Variants in ABCG2 observed in about 807,000 individuals in gnomAD.
The protein encoded by ABCG2 is ATP binding cassette subfamily G member 2 (JR blood group).
ABCG2 carries 80 observed loss-of-function variants against 73.5 expected under a neutral mutation model. The ratio of observed to expected loss-of-function variants is 1.09; its 90% CI spans 0.91 to 1.31. The LOEUF (loss-of-function observed/expected upper bound fraction) is 1.31, where lower values mean the gene tolerates loss of function less well. Ranked by LOEUF, ABCG2 falls within the 50% of genes most tolerant of loss-of-function variation. ABCG2 has a pLI of 0.00. For synonymous variants in ABCG2, 269 were observed against 282.4 expected, an observed-to-expected ratio of 0.95 and a Z score of 0.48; for missense variants, 796 against 786.2, an observed-to-expected ratio of 1.01 and a Z score of -0.15.
In ABCG2 at chr4:88,118,242, T is replaced by C. The variant is rs2110016369; in HGVS notation, c.708A>G (p.Arg236=). The C allele has an allele frequency of 6.2e-7, 1 of 1,614,134 alleles. No individual in the cohort carries two copies. The highest frequency in any genetic ancestry group is 8.5e-7 in the Non-Finnish European group (1 of 1,179,994). The change falls in exon 7 of 16, where the codon CGA becomes CGG. Residue 236 remains arginine (R), a synonymous_variant. Coordinates refer to ENST00000237612, the MANE Select transcript of ABCG2 (RefSeq NM_004827.3). ...GCTGATGAATGGAGAAGATGATTGTTCGTCCCTGCTTAGACATCCTAAGTT... is the reference window on the plus strand; with the variant it reads ...GCTGATGAATGGAGAAGATGATTGTCCGTCCCTGCTTAGACATCCTAAGTT... ...LLLKRMSKQG[R]TIIFSIHQPR...
chr4:88,228,933 A>C (rs1730339665), intron 1 of ABCG2, among the ~76,000 whole-genome samples: 1 of 151,924 alleles, frequency 6.6e-6, no homozygotes, highest in Non-Finnish European at 1.5e-5. Context: ...TTGTAAATGC[A>C]CCAATCAGCA....
At position 88,139,780 on chromosome 4, in the gene ABCG2, T is replaced by A; in HGVS notation, c.203+13A>T. On this transcript the variant is annotated intron_variant, in intron 2 of 15. Coordinates refer to ENST00000237612, the MANE Select transcript of ABCG2 (RefSeq NM_004827.3). Reference sequence around the variant, plus strand: ...AATTAAAAAGCTGTCTTTTTACAAGTTCATGTACATACTTGATATTCGATA... The same window carrying A: ...AATTAAAAAGCTGTCTTTTTACAAGATCATGTACATACTTGATATTCGATA... The A allele has an allele frequency of 6.2e-7, 1 of 1,610,408 alleles. No homozygotes were observed. The highest frequency in any genetic ancestry group is 8.5e-7 in the Non-Finnish European group (1 of 1,177,672).
At chr4:88,186,743 C>T (rs1197795559) in intron 1 of ABCG2, among the ~76,000 whole-genome samples, 4 of 150,996 alleles carry the variant, frequency 2.6e-5, no homozygotes, top group Non-Finnish European at 4.4e-5. Context: ...AACGGTGAAA[C>T]CCCGTCTCTA....
intron 1 of ABCG2, among the ~76,000 whole-genome samples, chr4:88,170,035 C>T (rs2725271): frequency 0.41 from 60,833 of 149,184 alleles, 13,287 homozygotes; most frequent in East Asian, 0.66. Context: ...TGCTTGAACC[C>T]GGGAGGCGGA....
At chr4:88,197,573 C>A (rs191119719) in intron 1 of ABCG2, among the ~76,000 whole-genome samples, 1 of 152,170 alleles carries the variant, frequency 6.6e-6, no homozygotes, top group South Asian at 2.1e-4. Context: ...GCAGTGATCA[C>A]GCGACTGCAC....
chr4:88,164,663 G>A (rs1040946589), intron 1 of ABCG2, among the ~76,000 whole-genome samples: 2 of 152,156 alleles, frequency 1.3e-5, no homozygotes, highest in African/African-American at 4.8e-5. Context: ...CCCAGTCTCG[G>A]GTATGTCTTT....
At position 88,097,039 on chromosome 4, in the gene ABCG2, A is replaced by T. The variant is rs186728435; in HGVS notation, c.1647+414T>A. On this transcript the variant is annotated intron_variant, in intron 13 of 15. Coordinates refer to ENST00000237612, the MANE Select transcript of ABCG2 (RefSeq NM_004827.3). ...ATGTGGGAACTTTAAAACATAAATT[A>T]AAAATGTTAAAAAAAAAATAAACTA... 1.9e-4 allele frequency among the ~76,000 whole-genome samples: 29 copies of T among 152,070 alleles called. 1 individual carries two copies. The highest frequency in any genetic ancestry group is 3.7e-4 in the Non-Finnish European group (25 of 68,004).
intron 1 of ABCG2, among the ~76,000 whole-genome samples, chr4:88,215,993 G>C (rs1006425800): frequency 6.6e-6 from 1 of 152,134 alleles, no homozygotes; most frequent in African/African-American, 2.4e-5. Flanking sequence ...CTGACATTTT[G>C]GGCAGGGTAT....
At chr4:88,155,650 T>C (rs1356802691) in intron 1 of ABCG2, among the ~76,000 whole-genome samples, 1 of 152,168 alleles carries the variant, frequency 6.6e-6, no homozygotes, top group African/African-American at 2.4e-5. Flanking sequence ...CATGCCTGTA[T>C]TCCCAGCACT....
chr4:88,175,515 G>A (rs1208190519), intron 1 of ABCG2, among the ~76,000 whole-genome samples: 1 of 148,358 alleles, frequency 6.7e-6, no homozygotes, highest in Non-Finnish European at 1.5e-5. Context: ...AACAGGCAGA[G>A]TAACTGCTAG....
intron 1 of ABCG2, among the ~76,000 whole-genome samples, chr4:88,176,338 C>T (rs866835900): frequency 6.6e-6 from 1 of 151,890 alleles, no homozygotes; most frequent in Non-Finnish European, 1.5e-5. Flanking sequence ...TTACTGATAT[C>T]ATTTCCTCCT....
At chr4:88,210,280 C>T (rs530084950) in intron 1 of ABCG2, among the ~76,000 whole-genome samples, 22 of 152,238 alleles carry the variant, frequency 1.4e-4, no homozygotes, top group Admixed American at 2.6e-4. Flanking sequence ...GACTGGAACT[C>T]CTGAGCTCAA....
At chr4:88,147,016 G>GGAAAGAAAGAAAGAAAGAAAGAAA (rs58050208) in intron 1 of ABCG2, among the ~76,000 whole-genome samples, 7,174 of 125,112 alleles carry the variant, frequency 0.057, 387 homozygotes, top group African/African-American at 0.098. Context: ...AGAAAGAAAA[G>GGAAAGAAAGAAAGAAAGAAAGAAA]GAAAGAAAGA....
rs45605536 is a variant in ABCG2, at chr4:88,097,518, C to T, written c.1582G>A (p.Ala528Thr). 2,639 of 1,614,190 alleles carry T rather than the reference C, an allele frequency of 1.6e-3. 5 individuals are homozygous for T. Among genetic ancestry groups the T allele is most frequent in the Admixed American group, 1.9e-3 (114 of 60,030 alleles). ...YSASSMALAI[A>T]AGQSVVSVAT... ...ACAGAAACCACACTCTGACCTGCTG[C>T]TATGGCCAGTGCCATGGAACTGGCT... Residue 528 changes from alanine to threonine, a missense_variant, in exon 13 of 16, where the codon GCA (alanine) becomes ACA (threonine). Physicochemically the swap from Ala to Thr is moderately conservative, Grantham distance 58. Coordinates refer to ENST00000237612, the MANE Select transcript of ABCG2 (RefSeq NM_004827.3).
intron 1 of ABCG2, among the ~76,000 whole-genome samples, chr4:88,222,858 G>A (rs1730063888): frequency 6.6e-6 from 1 of 152,202 alleles, no homozygotes; most frequent in African/African-American, 2.4e-5. Context: ...AAAGCAGCTG[G>A]AAGAGGGGGC....
At chr4:88,101,369 G>C (rs1722404581) in intron 10 of ABCG2, 50 bp from the exon 11 acceptor site, 1 of 1,519,716 alleles carries the variant, frequency 6.6e-7, no homozygotes, top group Non-Finnish European at 9.1e-7. Flanking sequence ...AGCATTCTTA[G>C]ACAGATTTTC....
At chr4:88,106,770 G>A (rs971342297) in intron 10 of ABCG2, among the ~76,000 whole-genome samples, 1 of 152,238 alleles carries the variant, frequency 6.6e-6, no homozygotes, top group African/African-American at 2.4e-5. Flanking sequence ...GCCAGGTGGA[G>A]TGGCTCACGC....
At chr4:88,131,739 C>A in intron 4 of ABCG2, 64 bp downstream of exon 4, 1 of 1,176,474 alleles carries the variant, frequency 8.5e-7, no homozygotes, top group Non-Finnish European at 1.2e-6. Flanking sequence ...ATTGAACTAT[C>A]AGCCAAAGCA....
At chr4:88,180,267 G>A (rs530498247) in intron 1 of ABCG2, among the ~76,000 whole-genome samples, 178 of 152,256 alleles carry the variant, frequency 1.2e-3, no homozygotes, top group African/African-American at 4.0e-3. Flanking sequence ...AGAGTGACAT[G>A]ACATATTTAA....
Sources: gnomAD v4.1 joint callset for allele counts (sites outside exome capture counted in the v4.1 genomes callset) on GRCh38, gnomAD v4.1.1 for gene constraint, MANE v1.5 for transcripts, NCBI Gene and HGNC (gene_info 2026-07-23, HGNC 2026-07-21) for gene names.